Variants in SYT2 observed in about 807,000 individuals in gnomAD.
SYT2 encodes synaptotagmin-2.
Under a neutral mutation model 39.9 loss-of-function variants are expected in SYT2, and 15 were observed. The ratio of observed to expected loss-of-function variants is 0.38; its 90% CI spans 0.25 to 0.58. The LOEUF is 0.58. Ranked by LOEUF, SYT2 falls within the 20% of genes least tolerant of loss-of-function variation. SYT2 has a pLI of 0.70. For missense variants in SYT2, 389 were observed against 530.3 expected, an observed-to-expected ratio of 0.73 and a Z score of 2.62; for synonymous variants, 181 against 204.5, an observed-to-expected ratio of 0.89 and a Z score of 0.98.
rs1279073308 is a variant in SYT2 at position 202,671,781 on chromosome 1, A to G, written c.-18+38477T>C. Among the ~76,000 whole-genome samples the G allele has an allele frequency of 2.0e-5, 3 of 152,254 alleles. 1 individual carries two copies. In the East Asian group the frequency reaches 5.8e-4, roughly 29 times the overall value. On this transcript the variant is annotated intron_variant, in intron 1 of 8. Transcript: ENST00000367268. ...TCTAAGCTGACTTCACTCTCTGGCCATGAAAACTTAAGCCCTGAACTTGAA... is the reference window on the plus strand; with the variant it reads ...TCTAAGCTGACTTCACTCTCTGGCCGTGAAAACTTAAGCCCTGAACTTGAA...
intron 4 of SYT2, 60 bp downstream of exon 4, chr1:202,602,939 C>T: frequency 6.3e-7 from 1 of 1,584,266 alleles, no homozygotes; most frequent in Admixed American, 1.7e-5. Context: ...TATCCCCCTT[C>T]CACCCAACTC....
rs4021889 is a variant in SYT2 at position 202,623,555 on chromosome 1, G to A, written c.-17-17766C>T. 1.3e-5 allele frequency among the ~76,000 whole-genome samples: 2 copies of A among 152,252 alleles called. No individual in the cohort carries two copies. The highest frequency in any genetic ancestry group is 1.9e-4 in the East Asian group (1 of 5,204). On this transcript the variant is annotated intron_variant, in intron 1 of 8. Coordinates refer to ENST00000367268, the MANE Select transcript of SYT2 (RefSeq NM_177402.5). This position sits in a 1 kb window ranked among gnomAD's most constrained non-coding sequence, Gnocchi z 4.2. ...GTGTCAAGATGCTTGGGAGCAGGCC[G>A]GGAAGGGTGGGCGACCCGGAATGAG...
intron 1 of SYT2, among the ~76,000 whole-genome samples, chr1:202,709,488 G>A (rs944605839): frequency 3.9e-5 from 6 of 152,210 alleles, no homozygotes; most frequent in African/African-American, 1.2e-4. Flanking sequence ...GGCAGGGGAA[G>A]GGGGCACCCC....
intron 1 of SYT2, among the ~76,000 whole-genome samples, chr1:202,652,337 G>A (rs978471445): frequency 3.3e-5 from 5 of 152,188 alleles, no homozygotes; most frequent in African/African-American, 9.7e-5. Context: ...TGGGTTGGGG[G>A]TGACAAGGAG....
intron 1 of SYT2, among the ~76,000 whole-genome samples, chr1:202,644,086 G>A (rs1692019406): frequency 6.6e-6 from 1 of 152,198 alleles, no homozygotes; most frequent in Admixed American, 6.5e-5. Flanking sequence ...AAGGGGAGCT[G>A]GGGAGTTCGC....
At chr1:202,670,305 CA>C (rs1262959441) in intron 1 of SYT2, among the ~76,000 whole-genome samples, 1 of 152,198 alleles carries the variant, frequency 6.6e-6, no homozygotes, top group Non-Finnish European at 1.5e-5. Context: ...TAGGCCAAGA[CA>C]GCATGGGATT....
chr1:202,660,530 G>A (rs1692356515), intron 1 of SYT2, among the ~76,000 whole-genome samples: 1 of 152,218 alleles, frequency 6.6e-6, no homozygotes, highest in South Asian at 2.1e-4. Context: ...ATAAAGTTCA[G>A]ATTCCCAGGC....
chr1:202,707,182 CAT>C (rs1190243168), intron 1 of SYT2, among the ~76,000 whole-genome samples: 3 of 152,166 alleles, frequency 2.0e-5, no homozygotes, highest in Non-Finnish European at 4.4e-5. Context: ...GGCTCAGTAA[CAT>C]GTGTAGGGCC....
At chr1:202,680,657 A>C (rs762528505) in intron 1 of SYT2, among the ~76,000 whole-genome samples, 7 of 152,136 alleles carry the variant, frequency 4.6e-5, no homozygotes, top group Non-Finnish European at 7.4e-5. Context: ...TTAACCACAC[A>C]ATTGGCATTA....
chr1:202,606,571 C>T (rs1331952763), intron 1 of SYT2, among the ~76,000 whole-genome samples: 1 of 152,194 alleles, frequency 6.6e-6, no homozygotes, highest in Non-Finnish European at 1.5e-5. Flanking sequence ...TCAGTGCCCA[C>T]TCAGGGTTTG....
intron 1 of SYT2, among the ~76,000 whole-genome samples, chr1:202,690,014 G>A (rs1275953529): frequency 1.3e-5 from 2 of 152,008 alleles, no homozygotes; most frequent in Non-Finnish European, 2.9e-5. Flanking sequence ...TTTCATACAG[G>A]AGCAATGATC....
intron 1 of SYT2, among the ~76,000 whole-genome samples, chr1:202,621,951 C>T (rs375144665): frequency 3.9e-5 from 6 of 152,324 alleles, no homozygotes; most frequent in East Asian, 3.9e-4. Context: ...CATGTACATA[C>T]ACTCACCATC....
At chr1:202,647,020 G>A (rs60707755) in intron 1 of SYT2, among the ~76,000 whole-genome samples, 8,246 of 152,258 alleles carry the variant, frequency 0.054, 717 homozygotes, top group African/African-American at 0.19. Context: ...CGTTGGCCTC[G>A]AGCGTCAGCA....
At chr1:202,630,177 C>T (rs12095260) in intron 1 of SYT2, among the ~76,000 whole-genome samples, 25,345 of 152,126 alleles carry the variant, frequency 0.17, 3,500 homozygotes, top group African/African-American at 0.38. Flanking sequence ...TTGGTGATTA[C>T]ACTGGTGCAT....
intron 1 of SYT2, among the ~76,000 whole-genome samples, chr1:202,660,621 T>C (rs1447155900): frequency 1.3e-5 from 2 of 152,204 alleles, no homozygotes; most frequent in Non-Finnish European, 2.9e-5. Flanking sequence ...GGACCATCTT[T>C]ATTTTTTTAT....
rs1553333838 is a variant in SYT2, at chr1:202,596,298, C to CACACACAT, written c.*458_*459insATGTGTGT. 0.17 allele frequency: 13,388 copies of CACACACAT among 77,686 alleles called. 305 individuals carry two copies. The highest frequency in any genetic ancestry group is 0.19 in the Non-Finnish European group (7,148 of 37,696). 4.8% of individuals were successfully genotyped at this position (77,686 alleles called of 1,614,324 possible). A position where few individuals can be genotyped will look rare whatever the true frequency, so the allele number is the denominator to read the frequency against. On this transcript the variant is annotated 3_prime_UTR_variant, in exon 9 of 9. Coordinates refer to ENST00000367268, the MANE Select transcript of SYT2 (RefSeq NM_177402.5). ...ACACACACACACACACACACACACACACACACACATACACACACACACACA... is the reference window on the plus strand; with the variant it reads ...ACACACACACACACACACACACACACACACACATACACACACATACACACACACACACA...
intron 1 of SYT2, among the ~76,000 whole-genome samples, chr1:202,629,594 C>G (rs1209848860): frequency 2.6e-5 from 4 of 152,172 alleles, no homozygotes; most frequent in Admixed American, 6.5e-5. Context: ...CCCAGACTCC[C>G]CAAGGGTGTC....
chr1:202,644,721 ATG>A (rs1030315165), intron 1 of SYT2, among the ~76,000 whole-genome samples: 1 of 151,164 alleles, frequency 6.6e-6, no homozygotes, highest in Admixed American at 6.6e-5. Flanking sequence ...TCCAGTGTGC[ATG>A]TGTGTTGGGG....
chr1:202,706,633 T>C (rs1654259349), intron 1 of SYT2, among the ~76,000 whole-genome samples: 1 of 152,198 alleles, frequency 6.6e-6, no homozygotes, highest in Admixed American at 6.5e-5. Context: ...GTCACTATAC[T>C]GCCACTTAGA....
Sources: allele counts gnomAD v4.1 joint callset (sites outside exome capture counted in the v4.1 genomes callset), GRCh38; gene constraint gnomAD v4.1.1; non-coding constraint Gnocchi (gnomAD v3.1); transcripts MANE v1.5; gene names NCBI Gene and HGNC (gene_info 2026-07-23, HGNC 2026-07-21).